Variants in PBX1 observed in about 807,000 individuals in gnomAD.
The protein encoded by PBX1 is PBX homeobox 1, also known as pre-B-cell leukemia transcription factor 1.
PBX1 carries 6 observed loss-of-function variants against 53.4 expected under a neutral mutation model. That is an observed-to-expected ratio of 0.11 (90% CI 0.06 to 0.22). The LOEUF is 0.22. Ranked by LOEUF, PBX1 falls within the 10% of genes least tolerant of loss-of-function variation. The pLI is 1.00. For synonymous variants in PBX1, 204 were observed against 212.3 expected, an observed-to-expected ratio of 0.96 and a Z score of 0.34; for missense variants, 251 against 551.4, an observed-to-expected ratio of 0.46 and a Z score of 5.46.
chr1:164,643,509 T>A (rs993030374), intron 2 of PBX1, among the ~76,000 whole-genome samples: 1 of 152,184 alleles, frequency 6.6e-6, no homozygotes, highest in African/African-American at 2.4e-5. Flanking sequence ...TAGGGCAACA[T>A]TTTTAAGTTC....
Position 164,846,687 on chromosome 1 carries a change from A to G in PBX1, c.*11A>G, listed in dbSNP as rs377526450. ...GATACCTCCAACTGATCTCCCAGCA[A>G]TCGCATCCCGGCTGACCCTGTGCCC... On this transcript the variant is annotated 3_prime_UTR_variant, in exon 9 of 9. Transcript: ENST00000420696. 26 of 1,613,914 alleles carry G rather than the reference A, an allele frequency of 1.6e-5. No homozygotes were observed. Among genetic ancestry groups the G allele is most frequent in the Middle Eastern group, 3.3e-4 (2 of 6,078 alleles).
intron 2 of PBX1, among the ~76,000 whole-genome samples, chr1:164,589,750 G>C (rs1207886823): frequency 1.3e-5 from 2 of 152,304 alleles, no homozygotes; most frequent in African/African-American, 2.4e-5. Flanking sequence ...TCTGATTCCT[G>C]TTCCTAAGAT....
chr1:164,697,987 C>G (rs901618515), intron 2 of PBX1, among the ~76,000 whole-genome samples: 1 of 152,126 alleles, frequency 6.6e-6, no homozygotes, highest in African/African-American at 2.4e-5. Context: ...CTCACTTACC[C>G]CTTTGGTTGG....
chr1:164,766,407 G>T (rs974323173), intron 2 of PBX1, among the ~76,000 whole-genome samples: 4 of 152,030 alleles, frequency 2.6e-5, no homozygotes, highest in African/African-American at 9.7e-5. Context: ...CATTATTATT[G>T]TTATTAATCA....
chr1:164,820,125 C>T lies in PBX1; in HGVS notation c.1051C>T (p.Gln351Ter). The T allele has an allele frequency of 6.2e-7, 1 of 1,613,712 alleles. No individual in the cohort carries two copies. Among genetic ancestry groups the T allele is most frequent in the Non-Finnish European group, 8.5e-7 (1 of 1,179,762 alleles). Residue 351 changes from glutamine (Q) to a stop codon, truncating the protein, a stop_gained, in exon 7 of 9, where the codon CAG (glutamine) becomes TAG (stop). Coordinates refer to ENST00000420696, the MANE Select transcript of PBX1 (RefSeq NM_002585.4). LOFTEE classifies it high-confidence loss of function. ...SNSGDLFMSV[Q>*]SLNGDSYQGA... The stretch of plus-strand genomic sequence containing the variant: ...CTCTGGAGATTTGTTCATGAGCGTG[C>T]AGTCACTCAATGGGGATTCTTACCA...
chr1:164,699,206 T>C (rs1662962845), intron 2 of PBX1, among the ~76,000 whole-genome samples: 1 of 152,190 alleles, frequency 6.6e-6, no homozygotes, highest in African/African-American at 2.4e-5. Context: ...TCTATCTATC[T>C]ACCTAGATAT....
At position 164,847,459 on chromosome 1, in the gene PBX1, GT is replaced by G. The variant is rs1671631825; in HGVS notation, c.*786del. On this transcript the variant is annotated 3_prime_UTR_variant, in exon 9 of 9. Transcript: ENST00000420696. ...CTTACCCTGCTAGCAATAGCTCTCAGTTTCAGAGGCACAGTCTTTGGAGACC... is the reference window on the plus strand; with the variant it reads ...CTTACCCTGCTAGCAATAGCTCTCAGTTCAGAGGCACAGTCTTTGGAGACC... 2.8e-6 allele frequency: 3 copies of G among 1,063,202 alleles called. No individual in the cohort carries two copies. Among genetic ancestry groups the G allele is most frequent in the Non-Finnish European group, 3.4e-6 (3 of 877,922 alleles). The allele number at this position is 1,063,202 out of a possible 1,614,324, so 65.9% of individuals were successfully genotyped here.
At chr1:164,707,418 T>TGTGTGA (rs58617739) in intron 2 of PBX1, among the ~76,000 whole-genome samples, 86 of 118,256 alleles carry the variant, frequency 7.3e-4, no homozygotes, top group East Asian at 2.2e-3. Context: ...TGTGTGTGTG[T>TGTGTGA]GAGAGAGAGA....
At chr1:164,643,834 C>T (rs935671043) in intron 2 of PBX1, among the ~76,000 whole-genome samples, 1 of 152,166 alleles carries the variant, frequency 6.6e-6, no homozygotes, top group Non-Finnish European at 1.5e-5. Context: ...GGGGTTTAAA[C>T]TCATGTCTAC....
At chr1:164,803,790 T>G (rs1184405360) in intron 4 of PBX1, among the ~76,000 whole-genome samples, 2 of 152,172 alleles carry the variant, frequency 1.3e-5, no homozygotes, top group African/African-American at 4.8e-5. Context: ...TTAAGGAAGA[T>G]GTATGGGAAG....
chr1:164,750,607 A>G lies in PBX1; in HGVS notation c.266-41887A>G, dbSNP rs550778157. 2.6e-5 allele frequency among the ~76,000 whole-genome samples: 4 copies of G among 152,324 alleles called. 1 individual carries two copies. Among genetic ancestry groups the G allele is most frequent in the African/African-American group, 9.6e-5 (4 of 41,564 alleles). ...TTGGCTGGTCCAGCTGCCCTTGGTT[A>G]GCACCAGTGGGGGCAGAGACAGTCA... On this transcript the variant is annotated intron_variant, in intron 2 of 8. Coordinates refer to ENST00000420696, the MANE Select transcript of PBX1 (RefSeq NM_002585.4).
intron 2 of PBX1, among the ~76,000 whole-genome samples, chr1:164,619,885 C>A (rs1318396229): frequency 6.6e-6 from 1 of 152,098 alleles, no homozygotes; most frequent in African/African-American, 2.4e-5. Flanking sequence ...TTAAATATTT[C>A]TTTGGAGGCC....
At chr1:164,627,148 C>T (rs942367203) in intron 2 of PBX1, among the ~76,000 whole-genome samples, 1 of 152,134 alleles carries the variant, frequency 6.6e-6, no homozygotes, top group Non-Finnish European at 1.5e-5. Flanking sequence ...AGAACTTCAG[C>T]AAAATGTACT....
chr1:164,868,121 T>A (rs1672263204), intron 2 of PBX1, among the ~76,000 whole-genome samples: 1 of 152,204 alleles, frequency 6.6e-6, no homozygotes, highest in Non-Finnish European at 1.5e-5. Context: ...ATAGAGCGGC[T>A]CACTGCTAGC....
At chr1:164,602,839 TGTTTGCCG>T (rs1469731548) in intron 2 of PBX1, among the ~76,000 whole-genome samples, 2 of 152,132 alleles carry the variant, frequency 1.3e-5, no homozygotes, top group Non-Finnish European at 2.9e-5. Flanking sequence ...ACTTGTGGAA[TGTTTGCCG>T]TTAAACGGTT....
intron 5 of PBX1, 40 bp downstream of exon 5, chr1:164,807,717 A>G (rs757328800): frequency 1.9e-6 from 3 of 1,607,308 alleles, no homozygotes; most frequent in Non-Finnish European, 2.5e-6. Flanking sequence ...TAGCCTGGCC[A>G]TGGCGGGGCC....
chr1:164,649,016 C>T (rs1345988163), intron 2 of PBX1, among the ~76,000 whole-genome samples: 2 of 152,076 alleles, frequency 1.3e-5, no homozygotes, highest in African/African-American at 4.8e-5. Flanking sequence ...TCTTTCATTC[C>T]AAGATGACAC....
intron 2 of PBX1, among the ~76,000 whole-genome samples, chr1:164,598,544 A>G (rs1655928264): frequency 6.6e-6 from 1 of 152,200 alleles, no homozygotes; most frequent in African/African-American, 2.4e-5. Flanking sequence ...TAATTCCCAG[A>G]GTTCTCTGAG....
intron 5 of PBX1, among the ~76,000 whole-genome samples, chr1:164,808,620 A>G (rs185143479): frequency 6.6e-6 from 1 of 152,206 alleles, no homozygotes; most frequent in Non-Finnish European, 1.5e-5. Context: ...ATGCTCTTTT[A>G]TATAAACTAA....
Sources: allele counts gnomAD v4.1 joint callset (sites outside exome capture counted in the v4.1 genomes callset), GRCh38; gene constraint gnomAD v4.1.1; transcripts MANE v1.5; gene names NCBI Gene and HGNC (gene_info 2026-07-23, HGNC 2026-07-21).